The following CSMD3 variants were observed in gnomAD, a reference collection of about 807,000 sequenced individuals.
The protein encoded by CSMD3 is CUB and Sushi multiple domains 3.
Under a neutral mutation model 435.2 loss-of-function variants are expected in CSMD3, and 177 were observed. That is an observed-to-expected ratio of 0.41 (90% CI 0.36 to 0.46). CSMD3 has a LOEUF of 0.46. CSMD3 is among the 20% of genes least tolerant of loss of function. The pLI, the probability that CSMD3 is intolerant of heterozygous loss-of-function variation, is 0.34. For missense variants in CSMD3, 4,265 were observed against 4,504.6 expected, an observed-to-expected ratio of 0.95 and a Z score of 1.52; for synonymous variants, 1,656 against 1,520.5, an observed-to-expected ratio of 1.09 and a Z score of -2.07.
chr8:113,422,689 G>A (rs547137237), intron 1 of CSMD3, among the ~76,000 whole-genome samples: 1 of 152,052 alleles, frequency 6.6e-6, no homozygotes, highest in African/African-American at 2.4e-5. Context: ...AACAAACAAA[G>A]AAACAAACAA....
intron 4 of CSMD3, among the ~76,000 whole-genome samples, chr8:113,167,377 A>G (rs1805179322): frequency 6.6e-6 from 1 of 152,198 alleles, no homozygotes; most frequent in South Asian, 2.1e-4. Flanking sequence ...ATTCTGAAAT[A>G]AGTAAAAATA....
At chr8:113,009,019 T>A (rs1443740186) in intron 6 of CSMD3, among the ~76,000 whole-genome samples, 1 of 151,568 alleles carries the variant, frequency 6.6e-6, no homozygotes, top group Non-Finnish European at 1.5e-5. Flanking sequence ...AATGTTAATA[T>A]TTTTGCCATA....
At chr8:112,582,864 G>T (rs1031607804) in intron 23 of CSMD3, among the ~76,000 whole-genome samples, 13 of 151,978 alleles carry the variant, frequency 8.6e-5, no homozygotes, top group African/African-American at 2.9e-4. Flanking sequence ...CTTTCACCAT[G>T]GAGTTCACAA....
At chr8:112,260,464 G>A (rs1386389904) in intron 61 of CSMD3, among the ~76,000 whole-genome samples, 2 of 152,090 alleles carry the variant, frequency 1.3e-5, no homozygotes, top group African/African-American at 4.8e-5. Context: ...TAAAGCAACT[G>A]AGACAAAGAT....
chr8:112,311,458 A>G (rs1484641333), intron 49 of CSMD3, among the ~76,000 whole-genome samples: 1 of 152,208 alleles, frequency 6.6e-6, no homozygotes, highest in East Asian at 1.9e-4. Flanking sequence ...CAGAAGCCCA[A>G]CAAATATCTA....
chr8:112,828,457 GCTCT>G (rs1222361290), intron 12 of CSMD3, among the ~76,000 whole-genome samples: 3 of 151,106 alleles, frequency 2.0e-5, no homozygotes, highest in Admixed American at 6.6e-5. Flanking sequence ...TTCCCCCTTT[GCTCT>G]CTCTCTCTCT....
chr8:112,763,636 A>G (rs555840078), intron 13 of CSMD3, among the ~76,000 whole-genome samples: 1 of 148,966 alleles, frequency 6.7e-6, no homozygotes, highest in East Asian at 1.9e-4. Flanking sequence ...ATTCCTATGA[A>G]ACTATATTAT....
At chr8:112,964,504 T>G (rs2130879469) in intron 7 of CSMD3, among the ~76,000 whole-genome samples, 1 of 152,056 alleles carries the variant, frequency 6.6e-6, no homozygotes, top group Non-Finnish European at 1.5e-5. Context: ...CTCATAATAC[T>G]TTATTTTAAA....
At chr8:112,435,678 C>T (rs1814247700) in intron 32 of CSMD3, among the ~76,000 whole-genome samples, 1 of 151,904 alleles carries the variant, frequency 6.6e-6, no homozygotes, top group South Asian at 2.1e-4. Flanking sequence ...AGTGGAATGC[C>T]TACTAAGACA....
At chr8:112,320,597 G>A (rs988998037) in intron 45 of CSMD3, among the ~76,000 whole-genome samples, 5 of 151,234 alleles carry the variant, frequency 3.3e-5, no homozygotes, top group Non-Finnish European at 7.4e-5. Context: ...CCATTAACTC[G>A]TCATTTACAT....
At chr8:112,391,927 T>G (rs371604003) in intron 35 of CSMD3, among the ~76,000 whole-genome samples, 1 of 152,262 alleles carries the variant, frequency 6.6e-6, no homozygotes, top group East Asian at 1.9e-4. Context: ...ATCACCTTGA[T>G]TCTGGCCATG....
chr8:112,850,500 T>A (rs1466157820), intron 11 of CSMD3, among the ~76,000 whole-genome samples: 1 of 152,210 alleles, frequency 6.6e-6, no homozygotes, highest in Non-Finnish European at 1.5e-5. Context: ...CTCACATGAA[T>A]GTTGGTTGAT....
intron 1 of CSMD3, among the ~76,000 whole-genome samples, chr8:113,417,622 G>T (rs933913464): frequency 3.3e-5 from 5 of 151,992 alleles, no homozygotes; most frequent in African/African-American, 1.2e-4. Context: ...ATGCTTAGGA[G>T]AAATAAATGT....
intron 12 of CSMD3, among the ~76,000 whole-genome samples, chr8:112,821,303 C>G (rs2079523879): frequency 6.6e-6 from 1 of 152,094 alleles, no homozygotes; most frequent in African/African-American, 2.4e-5. Flanking sequence ...TCCAAGCTTC[C>G]CAGTATCTAT....
chr8:112,301,845 T>C lies in CSMD3; in HGVS notation c.8388A>G (p.Val2796=). 1 of 1,613,894 alleles carries C rather than the reference T, an allele frequency of 6.2e-7. No homozygotes were observed. Residue 2796 remains valine, a synonymous_variant, in exon 53 of 71, where the codon GTA becomes GTG. Transcript: ENST00000297405. The part of the protein sequence containing the change: ...DLGFMLVGSA[V]RECLSSGLWS... ...AAAGACCTGAGGAAAGGCATTCCCTTACAGCAGAGCCCACAAGCATGAATC... is the reference window on the plus strand; with the variant it reads ...AAAGACCTGAGGAAAGGCATTCCCTCACAGCAGAGCCCACAAGCATGAATC...
At chr8:113,424,916 A>G (rs968713548) in intron 1 of CSMD3, among the ~76,000 whole-genome samples, 2 of 151,698 alleles carry the variant, frequency 1.3e-5, no homozygotes, top group Middle Eastern at 3.4e-3. Context: ...TTACACGGGA[A>G]GAAAATCCCA....
chr8:113,278,763 G>A (rs2093590840), intron 2 of CSMD3, 59 bp from the exon 3 acceptor site: 2 of 837,900 alleles, frequency 2.4e-6, no homozygotes, highest in Non-Finnish European at 4.2e-6. Flanking sequence ...GAGTTTTTAA[G>A]AAGGATTAAA....
intron 4 of CSMD3, among the ~76,000 whole-genome samples, chr8:113,133,337 C>G (rs2091332788): frequency 6.6e-6 from 1 of 151,894 alleles, no homozygotes; most frequent in Admixed American, 6.6e-5. Context: ...ATCATCAGAA[C>G]AATACAAATG....
chr8:112,905,895 T>C (rs114350910), intron 10 of CSMD3, among the ~76,000 whole-genome samples: 220 of 151,568 alleles, frequency 1.5e-3, no homozygotes, highest in African/African-American at 5.1e-3. Flanking sequence ...TGATGTCAAA[T>C]ACCCAATGTG....
Sources: allele counts gnomAD v4.1 joint callset (sites outside exome capture counted in the v4.1 genomes callset), GRCh38; gene constraint gnomAD v4.1.1; transcripts MANE v1.5; gene names NCBI Gene and HGNC (gene_info 2026-07-23, HGNC 2026-07-21).